Variants in AK9 observed in about 807,000 individuals in gnomAD.
AK9 encodes the protein adenylate kinase domain containing 1.
AK9 carries 191 observed loss-of-function variants against 239.6 expected under a neutral mutation model. The observed-to-expected ratio is 0.80, with a 90% CI of 0.71 to 0.90. The LOEUF (loss-of-function observed/expected upper bound fraction) is 0.90, where lower values mean the gene tolerates loss of function less well. Ranked by LOEUF, AK9 falls within the 40% of genes least tolerant of loss-of-function variation. The probability of loss-of-function intolerance (pLI) is 0.00; values close to 1 mark genes in which losing one functional copy is unlikely to be tolerated. For missense variants in AK9, 1,995 were observed against 2,214.7 expected (o/e 0.90, Z 1.99); for synonymous variants, 689 against 721.0 (o/e 0.96, Z 0.71).
At chr6:109,621,913 C>CAAAAAAAAAAAAAAAAAAAAAAAAAA (rs758683676) in intron 12 of AK9, among the ~76,000 whole-genome samples, 2 of 70,298 alleles carry the variant, frequency 2.8e-5, no homozygotes, top group African/African-American at 1.3e-4. Context: ...AAAAAAAAAA[C>CAAAAAAAAAAAAAAAAAAAAAAAAAA]AAAAAAAAAA....
At chr6:109,586,829 T>C (rs1789561809) in intron 17 of AK9, among the ~76,000 whole-genome samples, 1 of 152,326 alleles carries the variant, frequency 6.6e-6, no homozygotes, top group South Asian at 2.1e-4. Flanking sequence ...TAGTAATGTG[T>C]ATCTATGAAA....
chr6:109,644,746 AG>A (rs1797836090), intron 8 of AK9, 58 bp from the exon 9 acceptor site: 2 of 1,426,794 alleles, frequency 1.4e-6, no homozygotes, highest in Non-Finnish European at 9.7e-7. Flanking sequence ...ACTGAATACA[AG>A]ATCAGAATCT....
rs913813669 is a variant in AK9 at position 109,674,366 on chromosome 6, T to C, written c.118-105A>G. 3 of 732,722 alleles carry C rather than the reference T, an allele frequency of 4.1e-6. No homozygotes were observed. The African/African-American group carries it at 5.4e-5, about 13-fold the overall frequency. The allele number at this position is 732,722 out of a possible 1,614,324, so 45.4% of individuals were successfully genotyped here. ...CTATTGCTAGTTACTATTACATCAA[T>C]GTTATAATTTTTCCCATAAAAAATG... On this transcript the variant is annotated intron_variant, in intron 2 of 40. Coordinates refer to ENST00000424296, the MANE Select transcript of AK9 (RefSeq NM_001145128.3).
intron 10 of AK9, among the ~76,000 whole-genome samples, chr6:109,637,925 CCA>C (rs1213445151): frequency 2.6e-5 from 4 of 152,296 alleles, no homozygotes; most frequent in African/African-American, 9.6e-5. Flanking sequence ...GGTTCCATCT[CCA>C]GATAGTCTGG....
intron 38 of AK9, 72 bp from the exon 39 acceptor site, chr6:109,495,512 G>T: frequency 9.1e-7 from 1 of 1,093,958 alleles, no homozygotes; most frequent in Non-Finnish European, 1.3e-6. Flanking sequence ...ATAGACAAGA[G>T]ACTATTAGAA....
chr6:109,661,449 G>GA (rs1800399682), intron 6 of AK9, among the ~76,000 whole-genome samples: 1 of 152,008 alleles, frequency 6.6e-6, no homozygotes, highest in South Asian at 2.1e-4. Flanking sequence ...AGCATTTGGG[G>GA]TCTTCTGGCC....
intron 9 of AK9, 175 bp downstream of exon 9, chr6:109,644,439 T>C: frequency 2.1e-6 from 1 of 480,550 alleles, no homozygotes; most frequent in Non-Finnish European, 3.4e-6. Flanking sequence ...GTTTTGATTT[T>C]AAAATGGACA....
intron 32 of AK9, among the ~76,000 whole-genome samples, chr6:109,511,372 T>C (rs966779175): frequency 2.6e-5 from 4 of 152,214 alleles, no homozygotes; most frequent in Admixed American, 1.3e-4. Context: ...TTACAGCCTA[T>C]GAGGAATTTT....
intron 12 of AK9, among the ~76,000 whole-genome samples, chr6:109,624,953 T>G (rs1408878234): frequency 6.6e-6 from 1 of 152,152 alleles, no homozygotes; most frequent in Non-Finnish European, 1.5e-5. Flanking sequence ...TTCTATTGAA[T>G]TTTTCATTTG....
chr6:109,550,167 A>C lies in AK9; in HGVS notation c.2887T>G (p.Tyr963Asp), dbSNP rs954056999. Residue 963 changes from tyrosine (Y) to aspartate (D), a missense_variant, in exon 25 of 41, where the codon TAC (tyrosine) becomes GAC (aspartate). By Grantham distance (160) the Tyr-to-Asp change is radical. Around this residue, in one of 5 missense-constraint regions of AK9, gnomAD observed 1,290 missense variants for 1,392.7 expected, o/e 0.93. Transcript: ENST00000424296. ...TCTTTAGCCTCAGCACTTGAAAAGT[A>C]GTAGATCTTTTCTCGATACTTGGCT... is the stretch of plus-strand genomic sequence containing the variant. ...EAAKYREKIY[Y>D]FSSAEAKEKF... The C allele has an allele frequency of 1.2e-6, 2 of 1,613,850 alleles. No homozygotes were observed. Among genetic ancestry groups the C allele is most frequent in the African/African-American group, 2.7e-5 (2 of 74,870 alleles).
chr6:109,624,650 C>G (rs1303405408), intron 12 of AK9, among the ~76,000 whole-genome samples: 1 of 152,130 alleles, frequency 6.6e-6, no homozygotes, highest in African/African-American at 2.4e-5. Context: ...GATCTTTGCC[C>G]CCATTGTCTT....
At chr6:109,594,904 T>A (rs924956526) in intron 17 of AK9, among the ~76,000 whole-genome samples, 1 of 152,054 alleles carries the variant, frequency 6.6e-6, no homozygotes, top group Non-Finnish European at 1.5e-5. Flanking sequence ...ACCATAAAAA[T>A]TCTAGAAGAA....
At position 109,564,900 on chromosome 6, in the gene AK9, T is replaced by C. The variant is rs954610596; in HGVS notation, c.2345-55A>G. ...TAAATTTGAAAACATTATTCCTTTATGAAAGTTTTGGCACAAAGAACATTT... is the reference window on the plus strand; with the variant it reads ...TAAATTTGAAAACATTATTCCTTTACGAAAGTTTTGGCACAAAGAACATTT... On this transcript the variant is annotated intron_variant, in intron 21 of 40. Transcript: ENST00000424296. 46 of 1,335,506 alleles carry C rather than the reference T, an allele frequency of 3.4e-5. No individual in the cohort carries two copies. The South Asian group carries it at 6.9e-4, about 20-fold the overall frequency. The allele number at this position is 1,335,506 out of a possible 1,614,324, so 82.7% of individuals were successfully genotyped here. A position where few individuals can be genotyped will look rare whatever the true frequency, so the allele number is the denominator to read the frequency against.
Position 109,506,403 on chromosome 6 carries a change from C to T in AK9, c.4773G>A (p.Trp1591Ter). The T allele has an allele frequency of 1.2e-6, 2 of 1,613,666 alleles. No individual in the cohort carries two copies. Among genetic ancestry groups the T allele is most frequent in the East Asian group, 4.5e-5 (2 of 44,810 alleles). ...YVIDGFHSKW[W>*]VWNEVIKNVQ... ...CATTCTTAATGACTTCATTCCATAC[C>T]CACCATTTGCTGTGAAATCCATCAA... The change falls in exon 35 of 41, where the codon TGG (tryptophan) becomes TGA (stop). Residue 1591 changes from tryptophan to a stop codon, truncating the protein, a stop_gained. Transcript: ENST00000424296. LOFTEE classifies it high-confidence loss of function.
intron 1 of AK9, among the ~76,000 whole-genome samples, chr6:109,685,392 T>C (rs1237550324): frequency 2.0e-5 from 3 of 152,190 alleles, no homozygotes; most frequent in African/African-American, 4.8e-5. Flanking sequence ...TGGAATACTA[T>C]GCAGCCATAA....
intron 27 of AK9, among the ~76,000 whole-genome samples, chr6:109,538,343 C>T (rs532296128): frequency 3.3e-5 from 5 of 152,212 alleles, no homozygotes; most frequent in African/African-American, 1.2e-4. Flanking sequence ...TGAATTGATC[C>T]CTTTACCATT....
chr6:109,607,843 A>G (rs2128236623), intron 17 of AK9, among the ~76,000 whole-genome samples: 1 of 151,520 alleles, frequency 6.6e-6, no homozygotes, highest in Non-Finnish European at 1.5e-5. Context: ...ATGTGGAAGT[A>G]AAAAGGACCT....
intron 9 of AK9, among the ~76,000 whole-genome samples, chr6:109,642,169 C>G (rs1797532016): frequency 6.6e-6 from 1 of 152,156 alleles, no homozygotes; most frequent in African/African-American, 2.4e-5. Context: ...CATGGCACTG[C>G]CAACACCTTG....
At chr6:109,515,393 T>C (rs1434154153) in intron 31 of AK9, among the ~76,000 whole-genome samples, 2 of 152,212 alleles carry the variant, frequency 1.3e-5, no homozygotes, top group African/African-American at 2.4e-5. Context: ...CTGGTGATGA[T>C]GAAGACTGGG....
Sources: gnomAD v4.1 joint callset for allele counts (sites outside exome capture counted in the v4.1 genomes callset) on GRCh38, gnomAD v4.1.1 for gene constraint, gnomAD v4.1.1 regional missense constraint, MANE v1.5 for transcripts, NCBI Gene and HGNC (gene_info 2026-07-23, HGNC 2026-07-21) for gene names.